The following BTBD3 variants were observed in gnomAD, a reference collection of about 807,000 sequenced individuals.
BTBD3 encodes the protein BTB domain containing 3, also known as BTB/POZ domain-containing protein 3.
A neutral mutation model predicts 41.6 loss-of-function variants in BTBD3; 14 were observed. The observed-to-expected ratio is 0.34, with a 90% CI of 0.22 to 0.53. BTBD3 has a LOEUF of 0.53. BTBD3 is among the 20% of genes least tolerant of loss of function. The probability of loss-of-function intolerance (pLI) is 0.95; values close to 1 mark genes in which losing one functional copy is unlikely to be tolerated. For synonymous variants in BTBD3, 249 were observed against 233.7 expected, an observed-to-expected ratio of 1.07 and a Z score of -0.60; for missense variants, 426 against 654.7, an observed-to-expected ratio of 0.65 and a Z score of 3.81.
In BTBD3 at chr20:11,919,834, G is replaced by A; in HGVS notation, c.534G>A (p.Leu178=). The change falls in exon 3 of 4, where the codon CTG becomes CTA. Residue 178 remains leucine, a splice_region_variant and synonymous_variant. Coordinates refer to ENST00000378226, the MANE Select transcript of BTBD3 (RefSeq NM_014962.4). The part of the protein sequence containing the change: ...DVEPAAFLAM[L]KYIYCDEIDL... ...AACCTGCTGCTTTTCTCGCTATGCTGAAGTAAGCATCATTCGTGTGTTTGG... is the reference window on the plus strand; with the variant it reads ...AACCTGCTGCTTTTCTCGCTATGCTAAAGTAAGCATCATTCGTGTGTTTGG... 6.2e-7 allele frequency: 1 copy of A among 1,611,970 alleles called. No homozygotes were observed. Among genetic ancestry groups the A allele is most frequent in the Non-Finnish European group, 8.5e-7 (1 of 1,178,054 alleles).
chr20:11,911,866 A>G (rs2056891471), intron 1 of BTBD3, among the ~76,000 whole-genome samples: 1 of 152,220 alleles, frequency 6.6e-6, no homozygotes, highest in Non-Finnish European at 1.5e-5. Context: ...TTAGATGAGT[A>G]GTTTAGTATT....
chr20:11,899,272 T>C (rs1039490294), intron 1 of BTBD3, among the ~76,000 whole-genome samples: 1 of 152,180 alleles, frequency 6.6e-6, no homozygotes, highest in Admixed American at 6.5e-5. Context: ...ATCCACAAAA[T>C]CAAAGGATCT....
chr20:11,922,997 A>C lies in BTBD3; in HGVS notation c.900A>C (p.Gln300His). The C allele has an allele frequency of 6.2e-7, 1 of 1,614,240 alleles. No individual in the cohort carries two copies. Among genetic ancestry groups the C allele is most frequent in the Non-Finnish European group, 8.5e-7 (1 of 1,180,046 alleles). Reference sequence around the variant, plus strand: ...GGGCTGAAGTAGAATGCCAACGACAAGATCTGGCGTTGAGCATTGAAAATA... The same window carrying C: ...GGGCTGAAGTAGAATGCCAACGACACGATCTGGCGTTGAGCATTGAAAATA... ...LNWAEVECQR[Q>H]DLALSIENKR... The change falls in exon 4 of 4, where the codon CAA (glutamine) becomes CAC (histidine). Residue 300 changes from glutamine to histidine, a missense_variant. Physicochemically the swap from Gln to His is conservative, Grantham distance 24. This residue lies in a region of BTBD3 where 321 missense variants were observed against 534.8 expected (regional missense o/e 0.60). Coordinates refer to ENST00000378226, the MANE Select transcript of BTBD3 (RefSeq NM_014962.4).
intron 1 of BTBD3, among the ~76,000 whole-genome samples, chr20:11,896,407 C>T (rs1468065798): frequency 6.6e-6 from 1 of 152,150 alleles, no homozygotes; most frequent in African/African-American, 2.4e-5. Context: ...ATATGAGTGG[C>T]AGATAATGAC....
intron 1 of BTBD3, among the ~76,000 whole-genome samples, chr20:11,899,407 T>C (rs747285631): frequency 6.6e-6 from 1 of 152,198 alleles, no homozygotes; most frequent in East Asian, 1.9e-4. Context: ...ATATGAATTA[T>C]ATTAAATAAT....
At chr20:11,892,397 T>A (rs1258252399) in intron 1 of BTBD3, 1 of 152,238 alleles carries the variant, frequency 6.6e-6, no homozygotes. Flanking sequence ...CACAGGTTAC[T>A]GGCTTTAAAG....
chr20:11,894,967 A>G (rs917378413), intron 1 of BTBD3, among the ~76,000 whole-genome samples: 1 of 152,210 alleles, frequency 6.6e-6, no homozygotes, highest in Non-Finnish European at 1.5e-5. Context: ...GAGATAAACA[A>G]CATTTTGGAA....
chr20:11,916,677 A>G (rs184324565), upstream of BTBD3, among the ~76,000 whole-genome samples: 1 of 152,248 alleles, frequency 6.6e-6, no homozygotes, highest in East Asian at 1.9e-4. Flanking sequence ...CGTAACTCTT[A>G]TTTGCTGAGC....
At chr20:11,906,287 C>CTTTTTTTTTGTTTT (rs2056854379) in intron 1 of BTBD3, among the ~76,000 whole-genome samples, 2 of 58,478 alleles carry the variant, frequency 3.4e-5, no homozygotes, top group Admixed American at 2.2e-4. Context: ...TTTTTTGAGA[C>CTTTTTTTTTGTTTT]GGAGTCTCGT....
At position 11,917,929 on chromosome 20, in the gene BTBD3, G is replaced by A; in HGVS notation, c.-347G>A. 9.8e-7 allele frequency: 1 copy of A among 1,024,452 alleles called. No homozygotes were observed. Among genetic ancestry groups the A allele is most frequent in the Non-Finnish European group, 1.2e-6 (1 of 853,792 alleles). The allele number at this position is 1,024,452 out of a possible 1,614,324, so 63.5% of individuals were successfully genotyped here. The stretch of plus-strand genomic sequence containing the variant: ...TCAGCCGGCTGAACAGACTCACGCA[G>A]CTCCAGCCCATCTTGCTGACCTAAT... On this transcript the variant is annotated 5_prime_UTR_variant, in exon 1 of 4. Transcript: ENST00000378226.
At chr20:11,922,079 T>C (rs1050728127) in intron 3 of BTBD3, among the ~76,000 whole-genome samples, 1 of 152,142 alleles carries the variant, frequency 6.6e-6, no homozygotes, top group Non-Finnish European at 1.5e-5. Flanking sequence ...CAAAAACAAA[T>C]AAAAAGTCTG....
intron 2 of BTBD3, 37 bp downstream of exon 2, chr20:11,919,213 T>C: frequency 6.3e-7 from 1 of 1,576,870 alleles, no homozygotes; most frequent in African/African-American, 1.4e-5. Context: ...AGTCCTGACG[T>C]TTACAAAGAG....
rs1010979612 is a variant in BTBD3, at chr20:11,918,216, T to C, written c.-60T>C. The C allele has an allele frequency of 5.0e-5, 76 of 1,506,470 alleles. No homozygotes were observed. The highest frequency in any genetic ancestry group is 6.2e-5 in the Non-Finnish European group (71 of 1,137,574). The allele number at this position is 1,506,470 out of a possible 1,614,324, so 93.3% of individuals were successfully genotyped here. On this transcript the variant is annotated 5_prime_UTR_variant, in exon 1 of 4. Transcript: ENST00000378226. ...AACCTCTTAGCCCGGGCTAATCTCTTTTCCTTGATGTTCAAACCAATTTGG... is the reference window on the plus strand; with the variant it reads ...AACCTCTTAGCCCGGGCTAATCTCTCTTCCTTGATGTTCAAACCAATTTGG...
intron 1 of BTBD3, among the ~76,000 whole-genome samples, chr20:11,899,103 C>T (rs1455811295): frequency 2.6e-5 from 4 of 152,160 alleles, no homozygotes; most frequent in Admixed American, 6.5e-5. Flanking sequence ...TGGGTGATAA[C>T]TATTTGCTCT....
intron 1 of BTBD3, among the ~76,000 whole-genome samples, chr20:11,892,995 G>A (rs549897855): frequency 3.4e-4 from 52 of 151,872 alleles, no homozygotes; most frequent in Admixed American, 2.6e-3. Context: ...GGCACAATTA[G>A]TCTACACATT....
chr20:11,921,078 A>G (rs1473902444), intron 3 of BTBD3, among the ~76,000 whole-genome samples: 1 of 152,238 alleles, frequency 6.6e-6, no homozygotes, highest in East Asian at 1.9e-4. Context: ...TTTACCTGCA[A>G]GTATCCCCAC....
upstream of BTBD3, chr20:11,913,539 A>G (rs934575378): frequency 1.3e-5 from 2 of 152,210 alleles, no homozygotes; most frequent in African/African-American, 4.8e-5. Context: ...TGAGGTAATT[A>G]CTGTGAGTGA....
chr20:11,914,285 T>C (rs1251161968), upstream of BTBD3, among the ~76,000 whole-genome samples: 1 of 152,224 alleles, frequency 6.6e-6, no homozygotes, highest in Non-Finnish European at 1.5e-5. Flanking sequence ...CCATAATTTG[T>C]ATTTAATGTA....
At chr20:11,902,863 C>G (rs2056831981) in intron 1 of BTBD3, among the ~76,000 whole-genome samples, 1 of 151,974 alleles carries the variant, frequency 6.6e-6, no homozygotes, top group African/African-American at 2.4e-5. Context: ...AAAATAGACT[C>G]ACAGCTACAT....
Sources: gnomAD v4.1 joint callset for allele counts (sites outside exome capture counted in the v4.1 genomes callset) on GRCh38, gnomAD v4.1.1 for gene constraint, gnomAD v4.1.1 regional missense constraint, MANE v1.5 for transcripts, NCBI Gene and HGNC (gene_info 2026-07-23, HGNC 2026-07-21) for gene names.